Variants in CDH8 observed in about 807,000 individuals in gnomAD.
The protein encoded by CDH8 is cadherin 8.
In CDH8, 17 loss-of-function variants were observed where a neutral mutation model predicts 68.1. The observed-to-expected ratio is 0.25, with a 90% confidence interval of 0.17 to 0.37. The LOEUF is 0.37. Ranked by LOEUF, CDH8 falls within the 10% of genes least tolerant of loss-of-function variation. The pLI, the probability that CDH8 is intolerant of heterozygous loss-of-function variation, is 1.00. For missense variants in CDH8, 763 were observed against 999.3 expected (o/e 0.76, Z 3.19); for synonymous variants, 372 against 365.1 (o/e 1.02, Z -0.21).
intron 8 of CDH8, among the ~76,000 whole-genome samples, chr16:61,730,059 C>T (rs1159131581): frequency 6.6e-6 from 1 of 151,054 alleles, no homozygotes; most frequent in Non-Finnish European, 1.5e-5. Flanking sequence ...CATTTTCTTC[C>T]CACTCTTTTG....
chr16:61,982,476 C>T (rs1018513748), intron 2 of CDH8, among the ~76,000 whole-genome samples: 2 of 152,174 alleles, frequency 1.3e-5, no homozygotes, highest in Non-Finnish European at 1.5e-5. Flanking sequence ...GCCTCGGCCT[C>T]CCATAGTGCT....
intron 2 of CDH8, among the ~76,000 whole-genome samples, chr16:61,946,955 A>G (rs1421794318): frequency 8.5e-5 from 13 of 152,196 alleles, no homozygotes; most frequent in Non-Finnish European, 2.9e-5. Context: ...TCCATGTAGA[A>G]CACAGAATCA....
chr16:62,010,276 C>A (rs564058774), intron 2 of CDH8, among the ~76,000 whole-genome samples: 3 of 152,210 alleles, frequency 2.0e-5, no homozygotes, highest in Non-Finnish European at 4.4e-5. Context: ...TGAGACCATA[C>A]CTTTGTTTCC....
intron 2 of CDH8, among the ~76,000 whole-genome samples, chr16:61,907,329 CA>C (rs1454982973): frequency 6.6e-6 from 1 of 152,034 alleles, no homozygotes; most frequent in Non-Finnish European, 1.5e-5. Flanking sequence ...GCTCTGACAT[CA>C]AAACTTCTTT....
At chr16:61,714,169 G>A (rs918099055) in intron 9 of CDH8, 2 of 525,414 alleles carry the variant, frequency 3.8e-6, no homozygotes, top group East Asian at 3.4e-5. Flanking sequence ...TGAAAATTAA[G>A]AGCATTACCT....
At chr16:61,955,778 A>G (rs923684758) in intron 2 of CDH8, among the ~76,000 whole-genome samples, 1 of 152,130 alleles carries the variant, frequency 6.6e-6, no homozygotes, top group African/African-American at 2.4e-5. Context: ...GTATCTTGTA[A>G]AGATGCATCT....
intron 8 of CDH8, among the ~76,000 whole-genome samples, chr16:61,775,044 A>G (rs1960869912): frequency 6.6e-6 from 1 of 152,112 alleles, no homozygotes; most frequent in Non-Finnish European, 1.5e-5. Flanking sequence ...TAAAGAATCT[A>G]TAGTTAACCA....
At chr16:61,997,706 C>A (rs1349349170) in intron 2 of CDH8, among the ~76,000 whole-genome samples, 2 of 152,080 alleles carry the variant, frequency 1.3e-5, no homozygotes, top group Non-Finnish European at 2.9e-5. Context: ...TGAGATAAAC[C>A]AACCTCACGT....
At chr16:61,919,142 A>T (rs1964313381) in intron 2 of CDH8, among the ~76,000 whole-genome samples, 1 of 145,664 alleles carries the variant, frequency 6.9e-6, no homozygotes, top group Non-Finnish European at 1.5e-5. Flanking sequence ...CAGAAAGGAC[A>T]TCCACACCGA....
intron 2 of CDH8, among the ~76,000 whole-genome samples, chr16:61,913,511 C>T (rs1348983481): frequency 6.6e-6 from 1 of 152,080 alleles, no homozygotes; most frequent in Non-Finnish European, 1.5e-5. Context: ...CTGAAAAACA[C>T]CTATTATGCA....
chr16:62,009,594 T>C (rs964453368), intron 2 of CDH8, among the ~76,000 whole-genome samples: 2 of 152,224 alleles, frequency 1.3e-5, no homozygotes, highest in African/African-American at 4.8e-5. Context: ...TTTTTGGTGT[T>C]CTGGGATTCT....
chr16:62,036,154 C>T lies in CDH8; in HGVS notation c.-274G>A, dbSNP rs893582059. The T allele has an allele frequency of 6.6e-6, 1 of 152,270 alleles. No individual in the cohort carries two copies. The highest frequency in any genetic ancestry group is 1.5e-5 in the Non-Finnish European group (1 of 68,118). The allele number at this position is 152,270 out of a possible 1,614,324, so 9.4% of individuals were successfully genotyped here. A position where few individuals can be genotyped will look rare whatever the true frequency, so the allele number is the denominator to read the frequency against. On this transcript the variant is annotated 5_prime_UTR_variant, in exon 1 of 12. Coordinates refer to ENST00000577390, the MANE Select transcript of CDH8 (RefSeq NM_001796.5). ...GGCTGGAGGTGCTCGGGGTTAGCTCCCGAGGGCGGCAAGCGCCGACCGGTC... is the reference window on the plus strand; with the variant it reads ...GGCTGGAGGTGCTCGGGGTTAGCTCTCGAGGGCGGCAAGCGCCGACCGGTC...
chr16:61,964,522 C>A (rs1307161352), intron 2 of CDH8, among the ~76,000 whole-genome samples: 1 of 148,198 alleles, frequency 6.7e-6, no homozygotes, highest in Non-Finnish European at 1.5e-5. Context: ...ACACAATGGC[C>A]CAAGCTGAGA....
chr16:61,663,905 C>T (rs1429677807), intron 10 of CDH8, among the ~76,000 whole-genome samples: 1 of 151,874 alleles, frequency 6.6e-6, no homozygotes, highest in Non-Finnish European at 1.5e-5. Context: ...GGGAGGGAAA[C>T]AAGGAAGAGA....
Position 61,941,247 on chromosome 16 carries a change from G to A in CDH8, c.253-39774C>T, listed in dbSNP as rs957536013. Reference sequence around the variant, plus strand: ...ATTTCCGGAGATATGACCTAGAAATGTGGCTAATACCTTTTTTCCTCTTCT... The same window carrying A: ...ATTTCCGGAGATATGACCTAGAAATATGGCTAATACCTTTTTTCCTCTTCT... On this transcript the variant is annotated intron_variant, in intron 2 of 11. Coordinates refer to ENST00000577390, the MANE Select transcript of CDH8 (RefSeq NM_001796.5). Among the ~76,000 whole-genome samples the A allele has an allele frequency of 2.6e-5, 4 of 152,210 alleles. No homozygotes were observed. In the South Asian group the frequency reaches 6.2e-4, roughly 24 times the overall value.
chr16:62,001,350 G>C (rs757344369), intron 2 of CDH8, among the ~76,000 whole-genome samples: 5 of 152,122 alleles, frequency 3.3e-5, no homozygotes, highest in African/African-American at 9.7e-5. Context: ...ATGGATATTA[G>C]GAGTCCTAAG....
rs201277182 is a variant in CDH8, at chr16:61,768,314, T to G, written c.1414+21032A>C. Among the ~76,000 whole-genome samples the G allele has an allele frequency of 1.1e-3, 19 of 17,198 alleles. No homozygotes were observed. The East Asian group carries it at 0.029, about 26-fold the overall frequency. The allele number at this position is 17,198 out of a possible 152,430, so 11.3% of individuals were successfully genotyped here. A position where few individuals can be genotyped will look rare whatever the true frequency, so the allele number is the denominator to read the frequency against. ...AGGCTCTCTCTCTGTGTCTCTCCCTTTCTCTCTCTCTCTCTCTCTCTCTCT... is the reference window on the plus strand; with the variant it reads ...AGGCTCTCTCTCTGTGTCTCTCCCTGTCTCTCTCTCTCTCTCTCTCTCTCT... On this transcript the variant is annotated intron_variant, in intron 8 of 11. Coordinates refer to ENST00000577390, the MANE Select transcript of CDH8 (RefSeq NM_001796.5).
At chr16:61,917,800 G>C (rs968983254) in intron 2 of CDH8, among the ~76,000 whole-genome samples, 1 of 151,960 alleles carries the variant, frequency 6.6e-6, no homozygotes, top group African/African-American at 2.4e-5. Flanking sequence ...CTGTAAAGTT[G>C]GTGACAAGAT....
At chr16:61,789,567 G>A in intron 7 of CDH8, 85 bp from the exon 8 acceptor site, 1 of 1,257,024 alleles carries the variant, frequency 8.0e-7, no homozygotes, top group Non-Finnish European at 1.1e-6. Context: ...TCCTTGGAGA[G>A]CCATATTTGT....
Sources: allele counts gnomAD v4.1 joint callset (sites outside exome capture counted in the v4.1 genomes callset), GRCh38; gene constraint gnomAD v4.1.1; transcripts MANE v1.5; gene names NCBI Gene and HGNC (gene_info 2026-07-23, HGNC 2026-07-21).